The following LRP1B variants were observed in gnomAD, a reference collection of about 807,000 sequenced individuals.
LRP1B encodes the protein LDL receptor related protein 1B.
In LRP1B, 217 loss-of-function variants were observed where a neutral mutation model predicts 556.6. The ratio of observed to expected loss-of-function variants is 0.39; its 90% confidence interval spans 0.35 to 0.44. The LOEUF (loss-of-function observed/expected upper bound fraction) is 0.44, where lower values mean the gene tolerates loss of function less well. LRP1B is among the 20% of genes least tolerant of loss of function. The probability of loss-of-function intolerance (pLI) is 1.00; values close to 1 mark genes in which losing one functional copy is unlikely to be tolerated. For synonymous variants in LRP1B, 2,047 were observed against 1,865.8 expected (o/e 1.10, Z -2.50); for missense variants, 5,053 against 5,620.8 (o/e 0.90, Z 3.23).
intron 35 of LRP1B, among the ~76,000 whole-genome samples, chr2:140,756,378 A>T: frequency 6.6e-6 from 1 of 152,080 alleles, no homozygotes; most frequent in Non-Finnish European, 1.5e-5. Context: ...TAACCAAAAA[A>T]GTCTTGAAAA....
chr2:140,884,756 A>G (rs1440861303), intron 24 of LRP1B, among the ~76,000 whole-genome samples: 3 of 152,208 alleles, frequency 2.0e-5, no homozygotes, highest in Non-Finnish European at 4.4e-5. Context: ...TGGTTTGCCC[A>G]GGCTGGAATG....
At chr2:141,418,210 T>C (rs1381313695) in intron 3 of LRP1B, among the ~76,000 whole-genome samples, 5 of 152,174 alleles carry the variant, frequency 3.3e-5, no homozygotes. Flanking sequence ...TGTTGATTGT[T>C]TCCTTGGTTG....
intron 2 of LRP1B, among the ~76,000 whole-genome samples, chr2:141,541,528 A>G (rs974797675): frequency 1.1e-4 from 17 of 151,994 alleles, no homozygotes; most frequent in African/African-American, 3.9e-4. Flanking sequence ...GTCAAATTTC[A>G]TCTCTTTTGT....
At chr2:141,282,761 G>A (rs1685556533) in intron 3 of LRP1B, among the ~76,000 whole-genome samples, 1 of 152,040 alleles carries the variant, frequency 6.6e-6, no homozygotes, top group South Asian at 2.1e-4. Flanking sequence ...TATGATTGTA[G>A]AAGTGTCCAT....
chr2:141,885,419 A>G (rs1158854869), intron 1 of LRP1B, among the ~76,000 whole-genome samples: 2 of 152,228 alleles, frequency 1.3e-5, no homozygotes, highest in Admixed American at 1.3e-4. Flanking sequence ...AAAGACAGAA[A>G]AAGTGACATA....
intron 1 of LRP1B, among the ~76,000 whole-genome samples, chr2:141,973,310 CT>C (rs1212654175): frequency 6.6e-6 from 1 of 151,694 alleles, no homozygotes; most frequent in East Asian, 1.9e-4. Context: ...CCTCTAGAAA[CT>C]TTTTTGTTTG....
At chr2:142,040,485 C>T (rs1339958398) in intron 1 of LRP1B, among the ~76,000 whole-genome samples, 1 of 151,110 alleles carries the variant, frequency 6.6e-6, no homozygotes, top group Admixed American at 6.6e-5. Context: ...TTAATTCTGC[C>T]TCTATCATTT....
At chr2:141,936,918 T>C (rs1700650844) in intron 1 of LRP1B, among the ~76,000 whole-genome samples, 1 of 152,114 alleles carries the variant, frequency 6.6e-6, no homozygotes, top group African/African-American at 2.4e-5. Flanking sequence ...TTTTTTTTTT[T>C]TCACTTTCCA....
intron 2 of LRP1B, among the ~76,000 whole-genome samples, chr2:141,686,624 C>A (rs1691314454): frequency 6.6e-6 from 1 of 151,928 alleles, no homozygotes; most frequent in Admixed American, 6.6e-5. Flanking sequence ...AGAACTTCTG[C>A]TTTACTCTCA....
chr2:141,071,035 G>T (rs1055467692), intron 7 of LRP1B, among the ~76,000 whole-genome samples: 9 of 151,700 alleles, frequency 5.9e-5, no homozygotes, highest in African/African-American at 1.7e-4. Flanking sequence ...TACCAAAGCC[G>T]GGCAGAGACA....
At chr2:141,055,366 C>T (rs997898996) in intron 9 of LRP1B, 107 bp from the exon 10 acceptor site, 97 of 1,175,692 alleles carry the variant, frequency 8.3e-5, no homozygotes, top group East Asian at 2.6e-4. Context: ...GGAATCTTAG[C>T]AAAATTTTGT....
intron 1 of LRP1B, among the ~76,000 whole-genome samples, chr2:142,059,709 C>T (rs1704830464): frequency 1.3e-5 from 2 of 152,098 alleles, no homozygotes; most frequent in South Asian, 2.1e-4. Flanking sequence ...TCTCCTTCCA[C>T]ATGACTGCCT....
chr2:141,505,138 C>A (rs1011858988), intron 2 of LRP1B, among the ~76,000 whole-genome samples: 2 of 151,762 alleles, frequency 1.3e-5, no homozygotes, highest in African/African-American at 4.8e-5. Context: ...TTCCCCTCCC[C>A]TCAATAATTT....
chr2:141,727,749 A>G (rs1436143040), intron 2 of LRP1B, among the ~76,000 whole-genome samples: 2 of 152,154 alleles, frequency 1.3e-5, no homozygotes. Flanking sequence ...GGAAAGGTTT[A>G]AAAAGCAACA....
intron 37 of LRP1B, among the ~76,000 whole-genome samples, chr2:140,709,892 T>C (rs919294028): frequency 1.3e-5 from 2 of 152,064 alleles, no homozygotes; most frequent in Admixed American, 6.6e-5. Flanking sequence ...TTCAAGTCAA[T>C]AAATATATGG....
chr2:140,241,223 A>T (rs999025582), intron 87 of LRP1B, among the ~76,000 whole-genome samples: 4 of 150,892 alleles, frequency 2.7e-5, no homozygotes, highest in Non-Finnish European at 4.5e-5. Context: ...ATTTATTAGC[A>T]ATTAATGAAA....
intron 1 of LRP1B, among the ~76,000 whole-genome samples, chr2:142,071,396 C>A (rs1275846140): frequency 6.6e-6 from 1 of 151,872 alleles, no homozygotes; most frequent in Non-Finnish European, 1.5e-5. Flanking sequence ...CAGTGGTCAG[C>A]AAATTGTGAC....
intron 77 of LRP1B, among the ~76,000 whole-genome samples, chr2:140,336,483 T>C (rs1160798795): frequency 1.3e-5 from 2 of 151,856 alleles, no homozygotes; most frequent in African/African-American, 2.4e-5. Context: ...CTTAGCTTGA[T>C]AGGATGCTGC....
intron 2 of LRP1B, among the ~76,000 whole-genome samples, chr2:141,483,596 C>G (rs1683005530): frequency 6.6e-6 from 1 of 151,570 alleles, no homozygotes; most frequent in Non-Finnish European, 1.5e-5. Context: ...AAAAGTGTTC[C>G]TATTTCTCCA....
Sources: allele counts gnomAD v4.1 joint callset (sites outside exome capture counted in the v4.1 genomes callset), GRCh38; gene constraint gnomAD v4.1.1; transcripts MANE v1.5; gene names NCBI Gene and HGNC (gene_info 2026-07-23, HGNC 2026-07-21).